Variants in ACBD5 observed in about 807,000 individuals in gnomAD.
ACBD5 encodes the protein acyl-CoA-binding domain-containing protein 5.
Under a neutral mutation model 71.8 loss-of-function variants are expected in ACBD5, and 40 were observed. That is an observed-to-expected ratio of 0.56 (90% CI 0.43 to 0.72). The LOEUF is 0.72. ACBD5 is among the 30% of genes least tolerant of loss of function. The pLI, the probability that ACBD5 is intolerant of heterozygous loss-of-function variation, is 0.00. For missense variants in ACBD5, 559 were observed against 644.5 expected, an observed-to-expected ratio of 0.87 and a Z score of 1.44; for synonymous variants, 229 against 218.6, an observed-to-expected ratio of 1.05 and a Z score of -0.42.
intron 13 of ACBD5, among the ~76,000 whole-genome samples, chr10:27,189,890 A>T (rs181334818): frequency 3.4e-4 from 51 of 152,238 alleles, no homozygotes; most frequent in Middle Eastern, 3.4e-3. Context: ...AAAATGTTTT[A>T]TTCTTACATG....
downstream of ACBD5, chr10:27,195,174 C>T (rs2059274830): frequency 1.1e-5 from 4 of 348,076 alleles, no homozygotes; most frequent in Non-Finnish European, 2.2e-5. Context: ...GAATTCTTAC[C>T]TAATCAATGG....
intron 12 of ACBD5, among the ~76,000 whole-genome samples, chr10:27,198,415 A>C (rs1248414451): frequency 6.6e-6 from 1 of 152,216 alleles, no homozygotes; most frequent in Non-Finnish European, 1.5e-5. Flanking sequence ...CCAGCACTCA[A>C]GATGCCAAAA....
chr10:27,198,994 A>G (rs1248869531), intron 12 of ACBD5, among the ~76,000 whole-genome samples: 2 of 151,928 alleles, frequency 1.3e-5, no homozygotes, highest in Non-Finnish European at 2.9e-5. Flanking sequence ...CTATAGTCCC[A>G]GCTACTTGGG....
At chr10:27,219,886 A>C in intron 5 of ACBD5, 29 bp from the exon 6 acceptor site, 1 of 1,610,598 alleles carries the variant, frequency 6.2e-7, no homozygotes, top group Non-Finnish European at 8.5e-7. Flanking sequence ...ACTTACTCAC[A>C]ATGTGATAAT....
intron 3 of ACBD5, chr10:27,232,283 C>A (rs113715688): frequency 0.025 from 3,831 of 150,376 alleles, 135 homozygotes; most frequent in African/African-American, 0.084. Context: ...ACCGGAAAGC[C>A]TGCTAGAAAA....
rs1350066454 is a variant in ACBD5, at chr10:27,196,935, T to G, written c.*495A>C. On this transcript the variant is annotated 3_prime_UTR_variant, in exon 13 of 13. Coordinates refer to ENST00000396271, the MANE Select transcript of ACBD5 (RefSeq NM_145698.5). ...GACCATTCTTCCTGTGGTTTTCTAC[T>G]ACATGCCATGGCAACTCCGTGACTA... is the stretch of plus-strand genomic sequence containing the variant. 2.2e-6 allele frequency: 1 copy of G among 454,114 alleles called. No homozygotes were observed. The highest frequency in any genetic ancestry group is 4.4e-6 in the Non-Finnish European group (1 of 226,802). 28.1% of individuals were successfully genotyped at this position (454,114 alleles called of 1,614,324 possible). A position where few individuals can be genotyped will look rare whatever the true frequency, so the allele number is the denominator to read the frequency against.
chr10:27,227,870 G>A (rs1472235688), intron 4 of ACBD5, among the ~76,000 whole-genome samples: 1 of 151,868 alleles, frequency 6.6e-6, no homozygotes, highest in African/African-American at 2.4e-5. Context: ...CCGCCACCAC[G>A]CCCAGCTAAA....
At chr10:27,200,172 A>T (rs1418230244) in intron 12 of ACBD5, among the ~76,000 whole-genome samples, 1 of 152,110 alleles carries the variant, frequency 6.6e-6, no homozygotes, top group African/African-American at 2.4e-5. Context: ...TCGGCACAAG[A>T]TACAGGTCAT....
chr10:27,238,570 T>TAAGAAAGAACA (rs1589418522), intron 2 of ACBD5, among the ~76,000 whole-genome samples: 1 of 152,226 alleles, frequency 6.6e-6, no homozygotes, highest in East Asian at 1.9e-4. Context: ...ATTTTATTTG[T>TAAGAAAGAACA]TCTTTCTTAT....
At chr10:27,194,624 T>TAAG (rs1400305535), downstream of ACBD5, among the ~76,000 whole-genome samples, 4 of 141,650 alleles carry the variant, frequency 2.8e-5, no homozygotes, top group African/African-American at 1.1e-4. Flanking sequence ...ATAATAATAA[T>TAAG]AATAATAATA....
In ACBD5 at chr10:27,226,036, A is replaced by C. The variant is rs140706749; in HGVS notation, c.376-2584T>G. ...AATAAAAGGAGTATCCATTGGCAGT[A>C]AGCAAATATTAACTGAGTATTCATT... is the stretch of plus-strand genomic sequence containing the variant. On this transcript the variant is annotated intron_variant, in intron 4 of 12. Coordinates refer to ENST00000396271, the MANE Select transcript of ACBD5 (RefSeq NM_145698.5). Among the ~76,000 whole-genome samples the C allele has an allele frequency of 2.9e-4, 44 of 152,328 alleles. No homozygotes were observed. In the East Asian group the frequency reaches 7.5e-3, roughly 26 times the overall value.
intron 13 of ACBD5, among the ~76,000 whole-genome samples, chr10:27,188,369 A>G (rs11015594): frequency 0.1 from 15,747 of 152,238 alleles, 2,689 homozygotes; most frequent in African/African-American, 0.35. Context: ...AATCAAACAC[A>G]AATTGTTGAA....
At chr10:27,197,589 AG>A (rs2059485305) in intron 12 of ACBD5, 147 bp from the exon 13 acceptor site, 4 of 655,996 alleles carry the variant, frequency 6.1e-6, no homozygotes, top group Non-Finnish European at 1.1e-5. Flanking sequence ...TATGACTTGC[AG>A]CCTGATAGGA....
Position 27,235,173 on chromosome 10 carries a change from T to C in ACBD5, c.221A>G (p.Tyr74Cys). ...QPTNEMMLKF[Y>C]SFYKQATEGP... is the part of the protein sequence containing the mutation. Reference sequence around the variant, plus strand: ...TTCAGTTGCCTGCTTATAGAAGCTATAAAATTTAAGCATCATTTCATTTGT... The same window carrying C: ...TTCAGTTGCCTGCTTATAGAAGCTACAAAATTTAAGCATCATTTCATTTGT... Residue 74 changes from tyrosine (Y) to cysteine (C), a missense_variant, in exon 3 of 13, where the codon TAT (tyrosine) becomes TGT (cysteine). Coordinates refer to ENST00000396271, the MANE Select transcript of ACBD5 (RefSeq NM_145698.5). 3 of 1,614,024 alleles carry C rather than the reference T, an allele frequency of 1.9e-6. No homozygotes were observed. Among genetic ancestry groups the C allele is most frequent in the Non-Finnish European group, 2.5e-6 (3 of 1,179,948 alleles).
At chr10:27,191,493 G>A (rs956968867), downstream of ACBD5, among the ~76,000 whole-genome samples, 1 of 152,122 alleles carries the variant, frequency 6.6e-6, no homozygotes, top group Non-Finnish European at 1.5e-5. Flanking sequence ...AGATGTTGAC[G>A]GTGGAAGAGG....
chr10:27,238,542 G>T (rs1458927660), intron 2 of ACBD5, among the ~76,000 whole-genome samples: 1 of 151,988 alleles, frequency 6.6e-6, no homozygotes, highest in Non-Finnish European at 1.5e-5. Flanking sequence ...ACCTAAATAA[G>T]TTCATGCTTT....
intron 12 of ACBD5, among the ~76,000 whole-genome samples, chr10:27,200,570 G>A (rs764405580): frequency 6.6e-6 from 1 of 151,350 alleles, no homozygotes; most frequent in Non-Finnish European, 1.5e-5. Context: ...TCAACCTCCC[G>A]AGTAGCTGGG....
intron 6 of ACBD5, among the ~76,000 whole-genome samples, chr10:27,219,316 C>CAAAA (rs144230661): frequency 3.3e-5 from 5 of 149,774 alleles, no homozygotes; most frequent in East Asian, 2.0e-4. Context: ...CATAAAAAAA[C>CAAAA]AAAAAAAAAA....
chr10:27,240,335 C>G lies in ACBD5; in HGVS notation c.165G>C (p.Gln55His), dbSNP rs1158658703. ...TRFEAAVKVIQSLPKNGSFQP... is the reference protein window; with the variant it reads ...TRFEAAVKVIHSLPKNGSFQP... Reference sequence around the variant, plus strand: ...CGCACGTACCATTCTTCGGCAAACTCTGGATCACCTTCACGGCCGCCTCAA... The same window carrying G: ...CGCACGTACCATTCTTCGGCAAACTGTGGATCACCTTCACGGCCGCCTCAA... The change falls in exon 2 of 13, where the codon CAG becomes CAC. Residue 55 changes from glutamine (Q) to histidine (H), a missense_variant. By Grantham distance (24) the Gln-to-His change is conservative. Coordinates refer to ENST00000396271, the MANE Select transcript of ACBD5 (RefSeq NM_145698.5). The surrounding 1 kb of genome is among the most constrained non-coding windows in gnomAD (Gnocchi z 4.1). 5.0e-6 allele frequency: 8 copies of G among 1,613,982 alleles called. No individual in the cohort carries two copies. The highest frequency in any genetic ancestry group is 6.8e-6 in the Non-Finnish European group (8 of 1,180,034).
Sources: gnomAD v4.1 joint callset for allele counts (sites outside exome capture counted in the v4.1 genomes callset) on GRCh38, gnomAD v4.1.1 for gene constraint, Gnocchi (gnomAD v3.1) non-coding constraint, MANE v1.5 for transcripts, NCBI Gene and HGNC (gene_info 2026-07-23, HGNC 2026-07-21) for gene names.